CRPPA: variants seen among roughly 807,000 people sequenced by gnomAD.
CRPPA encodes CDP-L-ribitol pyrophosphorylase A, also known as D-ribitol-5-phosphate cytidylyltransferase.
Under a neutral mutation model 52.0 loss-of-function variants are expected in CRPPA, and 43 were observed. That is an observed-to-expected ratio of 0.83 (90% CI 0.65 to 1.07). CRPPA has a LOEUF of 1.07. CRPPA is among the 50% of genes least tolerant of loss of function. The probability of loss-of-function intolerance (pLI) is 0.00; values close to 1 mark genes in which losing one functional copy is unlikely to be tolerated. For missense variants in CRPPA, 629 were observed against 551.7 expected (o/e 1.14, Z -1.40); for synonymous variants, 250 against 203.5 (o/e 1.23, Z -1.94).
chr7:16,185,889 A>C (rs895948196), intron 9 of CRPPA, among the ~76,000 whole-genome samples: 1 of 152,210 alleles, frequency 6.6e-6, no homozygotes, highest in East Asian at 1.9e-4. Flanking sequence ...CGTTTACCTA[A>C]GAATTCCATT....
At chr7:16,386,131 G>A (rs1478389704) in intron 2 of CRPPA, among the ~76,000 whole-genome samples, 2 of 152,044 alleles carry the variant, frequency 1.3e-5, no homozygotes, top group Non-Finnish European at 2.9e-5. Flanking sequence ...TGGTGGAGGT[G>A]GTCTCGGTAG....
intron 5 of CRPPA, among the ~76,000 whole-genome samples, chr7:16,288,307 C>T (rs560563455): frequency 2.6e-5 from 4 of 151,594 alleles, no homozygotes; most frequent in Non-Finnish European, 5.9e-5. Flanking sequence ...ATAAAAAATA[C>T]AAACATTTTT....
chr7:16,400,137 T>C (rs1787768112), intron 2 of CRPPA, among the ~76,000 whole-genome samples: 1 of 152,106 alleles, frequency 6.6e-6, no homozygotes, highest in South Asian at 2.1e-4. Context: ...ACCAACATGG[T>C]TGACACGTGA....
chr7:16,184,710 T>C (rs549554479), intron 9 of CRPPA, among the ~76,000 whole-genome samples: 13 of 152,348 alleles, frequency 8.5e-5, no homozygotes, highest in African/African-American at 3.1e-4. Context: ...CAGTGCCTCA[T>C]CATACTTCCT....
chr7:16,157,978 G>A (rs907324958), intron 9 of CRPPA, among the ~76,000 whole-genome samples: 5 of 151,396 alleles, frequency 3.3e-5, no homozygotes, highest in African/African-American at 1.2e-4. Flanking sequence ...GGAATCAAGC[G>A]ATTCCCCTGC....
chr7:16,169,107 C>G (rs1781126097), intron 9 of CRPPA, among the ~76,000 whole-genome samples: 1 of 152,150 alleles, frequency 6.6e-6, no homozygotes, highest in African/African-American at 2.4e-5. Context: ...AAACATCACA[C>G]CTGTCTTACA....
intron 9 of CRPPA, among the ~76,000 whole-genome samples, chr7:16,097,083 G>A (rs145987743): frequency 8.5e-5 from 13 of 152,108 alleles, no homozygotes; most frequent in Middle Eastern, 3.4e-3. Flanking sequence ...TCCAAATTCC[G>A]GGAGCATTTC....
chr7:16,343,398 A>G (rs943638761), intron 3 of CRPPA, among the ~76,000 whole-genome samples: 41 of 152,128 alleles, frequency 2.7e-4, no homozygotes, highest in African/African-American at 9.7e-4. Flanking sequence ...TTGTACAATT[A>G]CAGTAAAACC....
intron 9 of CRPPA, among the ~76,000 whole-genome samples, chr7:16,092,954 C>T (rs1583349706): frequency 6.6e-6 from 1 of 152,266 alleles, no homozygotes; most frequent in South Asian, 2.1e-4. Context: ...AGCTTTCCCA[C>T]ACCCTTTCTA....
At chr7:16,389,928 A>AAAATATATATAT in intron 2 of CRPPA, among the ~76,000 whole-genome samples, 14 of 29,758 alleles carry the variant, frequency 4.7e-4, no homozygotes, top group South Asian at 1.7e-3. Context: ...AAAAAAAAAA[A>AAAATATATATAT]ATATATATAT....
intron 2 of CRPPA, among the ~76,000 whole-genome samples, chr7:16,398,931 C>G (rs1464584549): frequency 6.6e-6 from 1 of 152,196 alleles, no homozygotes; most frequent in East Asian, 1.9e-4. Context: ...CGAGTCGTTA[C>G]TGACACGTGA....
chr7:16,169,583 G>A (rs1781135651), intron 9 of CRPPA, among the ~76,000 whole-genome samples: 1 of 152,188 alleles, frequency 6.6e-6, no homozygotes, highest in Non-Finnish European at 1.5e-5. Context: ...AAATTGTAAG[G>A]CTTTAAATTC....
chr7:16,204,424 G>C (rs1036523427), intron 9 of CRPPA, among the ~76,000 whole-genome samples: 5 of 152,072 alleles, frequency 3.3e-5, no homozygotes, highest in African/African-American at 1.2e-4. Flanking sequence ...TAAATAACGT[G>C]TACACATGAA....
intron 9 of CRPPA, among the ~76,000 whole-genome samples, chr7:16,164,805 G>T (rs1478786525): frequency 6.6e-6 from 1 of 152,170 alleles, no homozygotes; most frequent in East Asian, 1.9e-4. Context: ...GTCCACTACA[G>T]ACACTGTTTG....
At chr7:16,286,064 T>TAATATTTAAAAAAAAAAAAAAAA (rs1562608511) in intron 5 of CRPPA, among the ~76,000 whole-genome samples, 1 of 29,770 alleles carries the variant, frequency 3.4e-5, no homozygotes, top group Admixed American at 4.5e-4. Flanking sequence ...TATATATATA[T>TAATATTTAAAAAAAAAAAAAAAA]ATATATATAT....
intron 9 of CRPPA, among the ~76,000 whole-genome samples, chr7:16,175,309 C>T (rs1209982454): frequency 1.3e-5 from 2 of 152,074 alleles, no homozygotes; most frequent in Admixed American, 6.6e-5. Context: ...ACTATAAATA[C>T]AGTAGATTAA....
chr7:16,225,493 T>C (rs1782623365), intron 8 of CRPPA, among the ~76,000 whole-genome samples: 1 of 151,956 alleles, frequency 6.6e-6, no homozygotes. Context: ...TAGCTAACTA[T>C]AAAACATAAT....
intron 9 of CRPPA, among the ~76,000 whole-genome samples, chr7:16,210,318 G>C (rs1465193540): frequency 6.6e-6 from 1 of 152,182 alleles, no homozygotes; most frequent in Non-Finnish European, 1.5e-5. Flanking sequence ...GGCAGCATTT[G>C]ATATGGTTCC....
At chr7:16,226,119 A>T (rs1278380852) in intron 8 of CRPPA, among the ~76,000 whole-genome samples, 1 of 151,970 alleles carries the variant, frequency 6.6e-6, no homozygotes, top group East Asian at 1.9e-4. Flanking sequence ...TTATTTAATA[A>T]TCTCAGGAAC....
Sources: gnomAD v4.1 joint callset for allele counts (sites outside exome capture counted in the v4.1 genomes callset) on GRCh38, gnomAD v4.1.1 for gene constraint, MANE v1.5 for transcripts, NCBI Gene and HGNC (gene_info 2026-07-23, HGNC 2026-07-21) for gene names.